CDC14A: variants seen among roughly 807,000 people sequenced by gnomAD.
CDC14A encodes cell division cycle 14A.
In CDC14A, 53 loss-of-function variants were observed where a neutral mutation model predicts 74.4. The observed-to-expected ratio is 0.71, with a 90% confidence interval of 0.57 to 0.89. The LOEUF is 0.89. Among genes scored for constraint, CDC14A ranks in the 40% least tolerant of loss-of-function variants. The pLI is 0.00. For synonymous variants in CDC14A, 247 were observed against 258.4 expected, an observed-to-expected ratio of 0.96 and a Z score of 0.43; for missense variants, 646 against 713.7, an observed-to-expected ratio of 0.91 and a Z score of 1.08.
chr1:100,362,123 A>G (rs1003586248), intron 2 of CDC14A, among the ~76,000 whole-genome samples: 2 of 152,180 alleles, frequency 1.3e-5, no homozygotes, highest in African/African-American at 4.8e-5. Context: ...GATAGGAAGT[A>G]AAAAGGGGGT....
At chr1:100,399,353 G>A (rs966319801) in intron 4 of CDC14A, among the ~76,000 whole-genome samples, 13 of 151,830 alleles carry the variant, frequency 8.6e-5, no homozygotes, top group African/African-American at 2.9e-4. Context: ...GTTTCTTTTC[G>A]TGGATTTTTG....
At chr1:100,444,328 C>T (rs1262990303) in intron 7 of CDC14A, among the ~76,000 whole-genome samples, 1 of 152,146 alleles carries the variant, frequency 6.6e-6, no homozygotes, top group East Asian at 1.9e-4. Flanking sequence ...TAACTGAGCA[C>T]GGCCCTTCTC....
At chr1:100,454,745 C>G (rs1229133680) in intron 7 of CDC14A, among the ~76,000 whole-genome samples, 2 of 152,142 alleles carry the variant, frequency 1.3e-5, no homozygotes, top group African/African-American at 2.4e-5. Context: ...GTTGGAAGAT[C>G]AGCTGTGTTC....
chr1:100,496,143 C>A, intron 13 of CDC14A, 94 bp downstream of exon 13: 2 of 1,006,372 alleles, frequency 2.0e-6, no homozygotes, highest in Non-Finnish European at 3.1e-6. Context: ...ATCAACTGTA[C>A]ACAGCTTTTT....
chr1:100,498,946 G>A lies in CDC14A; in HGVS notation c.1439G>A (p.Arg480Gln), dbSNP rs749988305. 15 of 1,611,648 alleles carry A rather than the reference G, an allele frequency of 9.3e-6. No homozygotes were observed. The highest frequency in any genetic ancestry group is 8.4e-5 in the Admixed American group (5 of 59,804). ...ATVRSFSINS[R>Q]LASSLGNLNA... ...CCATTCAGCTTTTCCATAAACTCCC[G>A]GCTAGCCAGTTCTCTAGGGAACTTG... Residue 480 changes from arginine to glutamine, a missense_variant, in exon 15 of 16, where the codon CGG becomes CAG. Coordinates refer to ENST00000336454, the MANE Select transcript of CDC14A (RefSeq NM_003672.4).
At chr1:100,505,040 T>C (rs1189975121) in intron 15 of CDC14A, 3 of 1,112,514 alleles carry the variant, frequency 2.7e-6, no homozygotes, top group Non-Finnish European at 3.6e-6. Flanking sequence ...TATGTAAGAA[T>C]TGTCTCCAAA....
chr1:100,377,311 A>T (rs933176515), intron 2 of CDC14A, among the ~76,000 whole-genome samples: 34 of 152,282 alleles, frequency 2.2e-4, no homozygotes, highest in African/African-American at 7.9e-4. Context: ...AAGTGCTGGG[A>T]TTACAGGCAT....
chr1:100,389,739 A>G (rs547193076), intron 3 of CDC14A, among the ~76,000 whole-genome samples: 2 of 152,264 alleles, frequency 1.3e-5, no homozygotes, highest in South Asian at 4.1e-4. Context: ...GTTGTAGTCA[A>G]TGTATAAGAT....
intron 10 of CDC14A, among the ~76,000 whole-genome samples, chr1:100,480,622 G>A (rs561931061): frequency 1.3e-5 from 2 of 152,278 alleles, no homozygotes; most frequent in Admixed American, 6.5e-5. Flanking sequence ...AACAATGCAC[G>A]AGGGGTCCAG....
chr1:100,354,117 A>G (rs1335155565), intron 2 of CDC14A, among the ~76,000 whole-genome samples: 1 of 152,202 alleles, frequency 6.6e-6, no homozygotes, highest in Non-Finnish European at 1.5e-5. Flanking sequence ...GATTCCTAAC[A>G]TTCCCCAGAG....
chr1:100,367,570 A>G lies in CDC14A; in HGVS notation c.141-9976A>G, dbSNP rs114355048. On this transcript the variant is annotated intron_variant, in intron 2 of 15. Transcript: ENST00000336454. ...AGACTATATTATTTTAAATACATAA[A>G]TAGTCTTACAAGTGTAAGTATTGTA... 7.4e-3 allele frequency among the ~76,000 whole-genome samples: 1,121 copies of G among 152,362 alleles called. 13 individuals are homozygous for G. Among genetic ancestry groups the G allele is most frequent in the African/African-American group, 0.026 (1,073 of 41,582 alleles).
chr1:100,421,954 C>G (rs1006144912), intron 4 of CDC14A, among the ~76,000 whole-genome samples: 7 of 152,184 alleles, frequency 4.6e-5, no homozygotes, highest in African/African-American at 1.7e-4. Context: ...AATGACCCAG[C>G]ATGCATTCAT....
intron 4 of CDC14A, among the ~76,000 whole-genome samples, chr1:100,410,664 G>T (rs1440687257): frequency 1.3e-5 from 2 of 152,184 alleles, no homozygotes; most frequent in East Asian, 3.8e-4. Context: ...GAATATCCTG[G>T]CATTGGGCTG....
chr1:100,412,746 A>G (rs1295242266), intron 4 of CDC14A, among the ~76,000 whole-genome samples: 1 of 113,050 alleles, frequency 8.8e-6, no homozygotes, highest in Non-Finnish European at 1.7e-5. Context: ...TATTTTATAT[A>G]TATATATTTT....
intron 4 of CDC14A, among the ~76,000 whole-genome samples, chr1:100,420,529 A>G (rs1662237534): frequency 1.3e-5 from 2 of 152,108 alleles, no homozygotes; most frequent in African/African-American, 4.8e-5. Flanking sequence ...TATTTGTTAC[A>G]TTGTTTCTCA....
chr1:100,491,961 G>A (rs868374254), intron 11 of CDC14A, among the ~76,000 whole-genome samples: 1 of 150,958 alleles, frequency 6.6e-6, no homozygotes, highest in Non-Finnish European at 1.5e-5. Context: ...ACAGTGGCCC[G>A]CGAGGCTCAT....
rs895326748 is a variant in CDC14A, at chr1:100,493,711, A to G, written c.1138-1107A>G. On this transcript the variant is annotated intron_variant, in intron 11 of 15. Coordinates refer to ENST00000336454, the MANE Select transcript of CDC14A (RefSeq NM_003672.4). The stretch of plus-strand genomic sequence containing the variant: ...ATTCTTTAAGGGATTGCCTCTAGGA[A>G]GCTTTTGTCCTTATTCTTTCTTTCC... Among the ~76,000 whole-genome samples, 3 of 152,096 alleles carry G rather than the reference A, an allele frequency of 2.0e-5. No individual in the cohort carries two copies. The East Asian group carries it at 5.8e-4, about 29-fold the overall frequency.
intron 7 of CDC14A, among the ~76,000 whole-genome samples, chr1:100,452,100 C>A (rs1431436984): frequency 1.3e-5 from 2 of 152,200 alleles, no homozygotes; most frequent in African/African-American, 4.8e-5. Flanking sequence ...CAAAGACTAT[C>A]TTTTCTATCT....
chr1:100,405,455 C>T (rs1659818375), intron 4 of CDC14A, among the ~76,000 whole-genome samples: 1 of 152,006 alleles, frequency 6.6e-6, no homozygotes. Context: ...GTAAATGTGT[C>T]CCATGGTGGT....
Sources: gnomAD v4.1 joint callset for allele counts (sites outside exome capture counted in the v4.1 genomes callset) on GRCh38, gnomAD v4.1.1 for gene constraint, MANE v1.5 for transcripts, NCBI Gene and HGNC (gene_info 2026-07-23, HGNC 2026-07-21) for gene names.